Variants in ARHGAP19 observed in about 807,000 individuals in gnomAD.
The protein encoded by ARHGAP19 is Rho GTPase activating protein 19, also known as rho GTPase-activating protein 19.
Under a neutral mutation model 60.9 loss-of-function variants are expected in ARHGAP19, and 48 were observed. That is an observed-to-expected ratio of 0.79 (90% confidence interval 0.62 to 1.00). The LOEUF (loss-of-function observed/expected upper bound fraction) is 1.00. Among genes scored for constraint, ARHGAP19 ranks in the 50% least tolerant of loss-of-function variants. The pLI is 0.00. For missense variants in ARHGAP19, 562 were observed against 597.2 expected, an observed-to-expected ratio of 0.94 and a Z score of 0.61; for synonymous variants, 209 against 215.5, an observed-to-expected ratio of 0.97 and a Z score of 0.27.
intron 4 of ARHGAP19, 147 bp from the exon 5 acceptor site, chr10:97,259,775 A>G (rs1319902329): frequency 9.5e-6 from 6 of 630,928 alleles, no homozygotes; most frequent in Admixed American, 2.8e-5. Context: ...CTACAGCAAA[A>G]CATAATAACA....
chr10:97,291,940 G>A lies in ARHGAP19; in HGVS notation c.56+632C>T, dbSNP rs1158608376. ...TAAAGTCATGATGTCCTGGACTACA[G>A]ATCCCTCTCCCATCTGCTCCTTAGC... On this transcript the variant is annotated intron_variant, in intron 1 of 11. Transcript: ENST00000358531. Among the ~76,000 whole-genome samples the A allele has an allele frequency of 4.6e-5, 7 of 152,132 alleles. No homozygotes were observed. In the East Asian group the frequency reaches 1.3e-3, roughly 29 times the overall value.
Position 97,224,420 on chromosome 10 carries a change from G to A in ARHGAP19, c.*1702C>T, listed in dbSNP as rs1850858914. 6.6e-6 allele frequency: 1 copy of A among 152,180 alleles called. No individual in the cohort carries two copies. The allele number at this position is 152,180 out of a possible 1,614,324, so 9.4% of individuals were successfully genotyped here. On this transcript the variant is annotated 3_prime_UTR_variant, in exon 12 of 12. Coordinates refer to ENST00000358531, the MANE Select transcript of ARHGAP19 (RefSeq NM_032900.6). ...TTACAAATGACATAAAACTGCTCTA[G>A]AGAAAGGGGCTTCTAAGCAGTTTTG...
At chr10:97,248,668 G>A (rs542427499) in intron 6 of ARHGAP19, among the ~76,000 whole-genome samples, 4 of 152,208 alleles carry the variant, frequency 2.6e-5, no homozygotes, top group African/African-American at 9.6e-5. Context: ...TAATTACTCC[G>A]ATCTAGGCCA....
At chr10:97,255,453 TG>T (rs1842740222) in intron 6 of ARHGAP19, among the ~76,000 whole-genome samples, 2 of 152,142 alleles carry the variant, frequency 1.3e-5, no homozygotes, top group Non-Finnish European at 2.9e-5. Flanking sequence ...AGTGTATGCC[TG>T]TGGTCCCAGC....
chr10:97,287,880 C>A (rs866857600), intron 1 of ARHGAP19, among the ~76,000 whole-genome samples: 2 of 151,964 alleles, frequency 1.3e-5, no homozygotes. Flanking sequence ...CTGACCAACA[C>A]GGAGAAACAC....
In ARHGAP19 at chr10:97,268,377, C is replaced by T. The variant is rs183488489; in HGVS notation, c.57-2252G>A. Reference sequence around the variant, plus strand: ...TTCTGAGTCCTCTAAACTGTTCCAACCTCTGCCTGTTACTCAGTTCAAAAG... The same window carrying T: ...TTCTGAGTCCTCTAAACTGTTCCAATCTCTGCCTGTTACTCAGTTCAAAAG... On this transcript the variant is annotated intron_variant, in intron 1 of 11. Coordinates refer to ENST00000358531, the MANE Select transcript of ARHGAP19 (RefSeq NM_032900.6). Among the ~76,000 whole-genome samples the T allele has an allele frequency of 2.0e-5, 3 of 152,320 alleles. No homozygotes were observed. In the East Asian group the frequency reaches 5.8e-4, roughly 29 times the overall value.
Position 97,229,754 on chromosome 10 carries a change from A to G in ARHGAP19, c.1395+10T>C, listed in dbSNP as rs761487838. ...CAGACAGACAGACAGTCCAAAGAAC[A>G]GTGTCTTACTAAGTTCCTATTTTCT... On this transcript the variant is annotated intron_variant, in intron 10 of 11. Transcript: ENST00000358531. The G allele has an allele frequency of 6.5e-7, 1 of 1,547,246 alleles. No individual in the cohort carries two copies. Among genetic ancestry groups the G allele is most frequent in the East Asian group, 2.2e-5 (1 of 44,516 alleles).
At chr10:97,292,503 A>C in intron 1 of ARHGAP19, 69 bp downstream of exon 1, 3 of 1,577,278 alleles carry the variant, frequency 1.9e-6, no homozygotes, top group Non-Finnish European at 8.7e-7. Flanking sequence ...TCCGTGACCC[A>C]AGGCAAAGGC....
At chr10:97,228,962 A>G (rs1447596066) in intron 11 of ARHGAP19, 185 bp downstream of exon 11, 3 of 702,380 alleles carry the variant, frequency 4.3e-6, no homozygotes, top group South Asian at 1.5e-5. Flanking sequence ...AGCACCCAAG[A>G]CAATGCTGAG....
chr10:97,234,639 CTT>C (rs1045993976), intron 9 of ARHGAP19, among the ~76,000 whole-genome samples: 7 of 152,102 alleles, frequency 4.6e-5, no homozygotes, highest in Admixed American at 1.3e-4. Context: ...AGTTTGAAGA[CTT>C]ATAAATTTAA....
At chr10:97,269,766 CAGA>C (rs1842939617) in intron 1 of ARHGAP19, among the ~76,000 whole-genome samples, 1 of 152,126 alleles carries the variant, frequency 6.6e-6, no homozygotes, top group Admixed American at 6.5e-5. Flanking sequence ...ATAACTGATT[CAGA>C]TCAAATTAGC....
chr10:97,227,108 G>A (rs891143221), intron 11 of ARHGAP19, among the ~76,000 whole-genome samples: 18 of 152,248 alleles, frequency 1.2e-4, no homozygotes, highest in African/African-American at 4.3e-4. Flanking sequence ...CAACATGTCA[G>A]TAGTGTGCCA....
In ARHGAP19 at chr10:97,255,816, G is replaced by A. The variant is rs1388186015; in HGVS notation, c.927+502C>T. Reference sequence around the variant, plus strand: ...CTGTCCCTTAGGTTTCTCAGCAGGTGACCAAGGTAGGGAAAGATTTATCTT... The same window carrying A: ...CTGTCCCTTAGGTTTCTCAGCAGGTAACCAAGGTAGGGAAAGATTTATCTT... On this transcript the variant is annotated intron_variant, in intron 6 of 11. Transcript: ENST00000358531. 2.0e-5 allele frequency among the ~76,000 whole-genome samples: 3 copies of A among 152,274 alleles called. No homozygotes were observed. The East Asian group carries it at 5.8e-4, about 29-fold the overall frequency.
chr10:97,269,021 C>A (rs1321536628), intron 1 of ARHGAP19, among the ~76,000 whole-genome samples: 1 of 152,152 alleles, frequency 6.6e-6, no homozygotes, highest in Non-Finnish European at 1.5e-5. Flanking sequence ...GTTATCATAT[C>A]TCAGTCGGGC....
chr10:97,250,354 G>A (rs1371634370), intron 6 of ARHGAP19, among the ~76,000 whole-genome samples: 1 of 151,064 alleles, frequency 6.6e-6, no homozygotes, highest in Non-Finnish European at 1.5e-5. Context: ...AGAGTCTCAT[G>A]ACAAAAACAT....
rs748335564 is a variant in ARHGAP19, at chr10:97,283,671, C to T, written c.56+8901G>A. 6.6e-5 allele frequency among the ~76,000 whole-genome samples: 10 copies of T among 151,820 alleles called. No homozygotes were observed. In the East Asian group the frequency reaches 1.9e-3, roughly 29 times the overall value. ...GATAGAAATCAGATCTTGGATGGGT[C>T]ATATTTTAGATAAGAGGCATTACAG... On this transcript the variant is annotated intron_variant, in intron 1 of 11. Coordinates refer to ENST00000358531, the MANE Select transcript of ARHGAP19 (RefSeq NM_032900.6).
chr10:97,292,278 AAG>A (rs1303980306), intron 1 of ARHGAP19, among the ~76,000 whole-genome samples: 1 of 152,228 alleles, frequency 6.6e-6, no homozygotes, highest in Non-Finnish European at 1.5e-5. Flanking sequence ...CCTCGCCATC[AAG>A]AGGTGTCTCG....
chr10:97,230,278 C>A (rs375456415), intron 9 of ARHGAP19, among the ~76,000 whole-genome samples: 5 of 152,200 alleles, frequency 3.3e-5, no homozygotes, highest in African/African-American at 9.6e-5. Context: ...GTCCCTCCCC[C>A]CTACTTACCA....
rs370179433 is a variant in ARHGAP19, at chr10:97,229,199, C to T, written c.1422G>A (p.Thr474=). The T allele has an allele frequency of 7.4e-6, 12 of 1,613,956 alleles. No individual in the cohort carries two copies. Among genetic ancestry groups the T allele is most frequent in the Admixed American group, 5.0e-5 (3 of 60,002 alleles). ...NLLFSGSPAV[T]MTPTRLKWSE... ...ACCACTTCAATCTTGTTGGTGTCAT[C>T]GTGACAGCTGGAGAGCCAGAAAATA... Residue 474 remains threonine (T), a synonymous_variant, in exon 11 of 12, where the codon ACG becomes ACA. Coordinates refer to ENST00000358531, the MANE Select transcript of ARHGAP19 (RefSeq NM_032900.6).
Sources: allele counts gnomAD v4.1 joint callset (sites outside exome capture counted in the v4.1 genomes callset), GRCh38; gene constraint gnomAD v4.1.1; transcripts MANE v1.5; gene names NCBI Gene and HGNC (gene_info 2026-07-23, HGNC 2026-07-21).